The following SYNPR variants were observed in gnomAD, a reference collection of about 807,000 sequenced individuals.
SYNPR encodes the protein synaptoporin.
A neutral mutation model predicts 32.9 loss-of-function variants in SYNPR; 23 were observed. The ratio of observed to expected loss-of-function variants is 0.70; its 90% CI spans 0.50 to 0.99. The LOEUF is 0.99. SYNPR is among the 50% of genes least tolerant of loss of function. The probability of loss-of-function intolerance (pLI) is 0.00; values close to 1 mark genes in which losing one functional copy is unlikely to be tolerated. For synonymous variants in SYNPR, 146 were observed against 135.9 expected (o/e 1.07, Z -0.52); for missense variants, 318 against 349.3 (o/e 0.91, Z 0.71).
chr3:63,397,467 CT>C (rs576145303), intron 2 of SYNPR, among the ~76,000 whole-genome samples: 35 of 152,284 alleles, frequency 2.3e-4, no homozygotes, highest in Non-Finnish European at 4.0e-4. Flanking sequence ...TCCCTTACTT[CT>C]TTTTTTCTCC....
chr3:63,326,218 A>C (rs2106975555), intron 2 of SYNPR, among the ~76,000 whole-genome samples: 2 of 152,188 alleles, frequency 1.3e-5, no homozygotes, highest in South Asian at 2.1e-4. Context: ...AGAAAAGTTA[A>C]GGGACATGTT....
In SYNPR at chr3:63,363,925, G is replaced by C. The variant is rs114398460; in HGVS notation, c.84+85183G>C. Among the ~76,000 whole-genome samples the C allele has an allele frequency of 7.0e-3, 1,068 of 152,222 alleles. 18 individuals are homozygous for C. Among genetic ancestry groups the C allele is most frequent in the African/African-American group, 0.024 (1,015 of 41,542 alleles). ...ATTATAAAATTGTGCATGATAATGA[G>C]GAAGAATATTAAGTATGAAAAGGAA... On this transcript the variant is annotated intron_variant, in intron 2 of 5. Coordinates refer to ENST00000478300, the MANE Select transcript of SYNPR (RefSeq NM_001130003.2).
chr3:63,390,993 G>A (rs903146187), intron 2 of SYNPR, among the ~76,000 whole-genome samples: 9 of 152,234 alleles, frequency 5.9e-5, no homozygotes, highest in Non-Finnish European at 1.2e-4. Flanking sequence ...GTGCAGGGCC[G>A]TAGTAAGTCC....
At chr3:63,381,738 G>T (rs187809523) in intron 2 of SYNPR, among the ~76,000 whole-genome samples, 1 of 151,894 alleles carries the variant, frequency 6.6e-6, no homozygotes, top group African/African-American at 2.4e-5. Context: ...ATTTTATTTC[G>T]TGTTTTCTGT....
intron 2 of SYNPR, among the ~76,000 whole-genome samples, chr3:63,387,034 A>G (rs2107078016): frequency 6.6e-6 from 1 of 152,336 alleles, no homozygotes; most frequent in Admixed American, 6.5e-5. Flanking sequence ...CTTATCAGGA[A>G]AATTGCCTTC....
chr3:63,457,968 C>A (rs1307922831), intron 2 of SYNPR, among the ~76,000 whole-genome samples: 1 of 152,132 alleles, frequency 6.6e-6, no homozygotes, highest in Non-Finnish European at 1.5e-5. Flanking sequence ...TTCTAACCCT[C>A]TTCTTTTGAA....
chr3:63,443,243 T>C, intron 2 of SYNPR: 1 of 1,413,084 alleles, frequency 7.1e-7, no homozygotes, highest in Non-Finnish European at 9.2e-7. Flanking sequence ...TTTTGCCATC[T>C]CTCTGCAAAT....
intron 4 of SYNPR, among the ~76,000 whole-genome samples, chr3:63,606,728 A>T (rs1239805234): frequency 6.6e-6 from 1 of 152,014 alleles, no homozygotes; most frequent in Non-Finnish European, 1.5e-5. Flanking sequence ...ACTTAAAAAA[A>T]CTTTTTAGTG....
chr3:63,593,930 T>C (rs924627314), intron 4 of SYNPR, among the ~76,000 whole-genome samples: 1 of 152,044 alleles, frequency 6.6e-6, no homozygotes, highest in Non-Finnish European at 1.5e-5. Context: ...ACCCAGCCCA[T>C]AGCAGGGAAG....
At chr3:63,496,937 G>A (rs906088288) in intron 3 of SYNPR, among the ~76,000 whole-genome samples, 2 of 152,040 alleles carry the variant, frequency 1.3e-5, no homozygotes, top group African/African-American at 4.8e-5. Context: ...AAAGGGAATG[G>A]GCTCTTTTTT....
chr3:63,476,173 G>GGGAGGGAGGGAA (rs1559510491), intron 2 of SYNPR, among the ~76,000 whole-genome samples: 4 of 31,216 alleles, frequency 1.3e-4, no homozygotes, highest in South Asian at 3.1e-3. Context: ...GAGGGAGGGA[G>GGGAGGGAGGGAA]GGAAGGAAGG....
At chr3:63,466,204 CCTA>C in intron 2 of SYNPR, among the ~76,000 whole-genome samples, 1 of 152,182 alleles carries the variant, frequency 6.6e-6, no homozygotes, top group African/African-American at 2.4e-5. Flanking sequence ...ACGATAGCCT[CCTA>C]CTCCTTTTAA....
intron 4 of SYNPR, among the ~76,000 whole-genome samples, chr3:63,575,622 CAG>C (rs1454720922): frequency 1.3e-5 from 2 of 152,114 alleles, no homozygotes; most frequent in Admixed American, 6.5e-5. Context: ...TCTGCTTACT[CAG>C]AGAAAATGTC....
intron 2 of SYNPR, among the ~76,000 whole-genome samples, chr3:63,403,169 T>C (rs563430337): frequency 2.6e-5 from 4 of 152,306 alleles, no homozygotes; most frequent in African/African-American, 9.6e-5. Flanking sequence ...CATCTTGTCT[T>C]TGTATTCAAC....
chr3:63,320,965 T>C (rs1346421380), intron 2 of SYNPR, among the ~76,000 whole-genome samples: 1 of 152,090 alleles, frequency 6.6e-6, no homozygotes, highest in Non-Finnish European at 1.5e-5. Context: ...TATTAATTTT[T>C]GAAAGCCAGA....
intron 4 of SYNPR, among the ~76,000 whole-genome samples, chr3:63,575,499 TA>T (rs1702961941): frequency 6.6e-6 from 1 of 152,160 alleles, no homozygotes; most frequent in Non-Finnish European, 1.5e-5. Context: ...TAAATAAAAA[TA>T]ACTTTTCCCA....
At chr3:63,591,756 T>G in intron 4 of SYNPR, among the ~76,000 whole-genome samples, 1 of 117,268 alleles carries the variant, frequency 8.5e-6, no homozygotes, top group South Asian at 3.2e-4. Context: ...AATTGAACAA[T>G]GAGATCACAT....
intron 2 of SYNPR, chr3:63,444,335 G>A (rs1700235092): frequency 6.6e-6 from 1 of 152,176 alleles, no homozygotes; most frequent in African/African-American, 2.4e-5. Context: ...TGTTAATTCA[G>A]AAGTCTGGGG....
chr3:63,510,944 T>TGTGTGTGTGTGTG (rs1559521520), intron 3 of SYNPR, among the ~76,000 whole-genome samples: 1 of 147,114 alleles, frequency 6.8e-6, no homozygotes, highest in Non-Finnish European at 1.5e-5. Flanking sequence ...TGCGCGCACG[T>TGTGTGTGTGTGTG]TGTGTGTGTG....
Sources: gnomAD v4.1 joint callset for allele counts (sites outside exome capture counted in the v4.1 genomes callset) on GRCh38, gnomAD v4.1.1 for gene constraint, MANE v1.5 for transcripts, NCBI Gene and HGNC (gene_info 2026-07-23, HGNC 2026-07-21) for gene names.